Variants in SYTL3 observed in about 807,000 individuals in gnomAD.
SYTL3 encodes synaptotagmin-like protein 3.
Under a neutral mutation model 82.1 loss-of-function variants are expected in SYTL3, and 88 were observed. The observed-to-expected ratio is 1.07, with a 90% CI of 0.90 to 1.28. SYTL3 has a LOEUF of 1.28. SYTL3 is among the 50% of genes most tolerant of loss of function. The probability of loss-of-function intolerance (pLI) is 0.00; values close to 1 mark genes in which losing one functional copy is unlikely to be tolerated. For missense variants in SYTL3, 831 were observed against 757.6 expected (o/e 1.10, Z -1.14); for synonymous variants, 311 against 289.4 (o/e 1.07, Z -0.76).
At position 158,714,107 on chromosome 6, in the gene SYTL3, C is replaced by G. The variant is rs560763391; in HGVS notation, c.595+229C>G. Among the ~76,000 whole-genome samples the G allele has an allele frequency of 2.2e-3, 334 of 152,348 alleles. 1 individual carries two copies. Among genetic ancestry groups the G allele is most frequent in the African/African-American group, 7.1e-3 (296 of 41,576 alleles). ...GTGGCTCAGACCTGTAATCCAAGCA[C>G]TTTGGGAGGCCAAGGTGGGTGGATC... On this transcript the variant is annotated intron_variant, in intron 9 of 17. Transcript: ENST00000611299.
intron 12 of SYTL3, among the ~76,000 whole-genome samples, chr6:158,750,952 T>C (rs1375211195): frequency 6.6e-6 from 1 of 152,120 alleles, no homozygotes; most frequent in Non-Finnish European, 1.5e-5. Flanking sequence ...CATGCCATCA[T>C]GCCTGGCTAA....
At chr6:158,716,259 A>G (rs1467534165) in intron 9 of SYTL3, among the ~76,000 whole-genome samples, 1 of 152,194 alleles carries the variant, frequency 6.6e-6, no homozygotes, top group Non-Finnish European at 1.5e-5. Flanking sequence ...TTGTCCCCTA[A>G]TAATACTGAC....
chr6:158,645,083 TCAAACCCGCTCGGAC>T (rs1302451000), upstream of SYTL3, among the ~76,000 whole-genome samples: 11 of 152,128 alleles, frequency 7.2e-5, no homozygotes, highest in Non-Finnish European at 1.2e-4. Context: ...ACGCGGACGT[TCAAACCCGCTCGGAC>T]ACCTGGCAAC....
At chr6:158,677,478 C>T (rs1778179529) in intron 5 of SYTL3, among the ~76,000 whole-genome samples, 1 of 151,964 alleles carries the variant, frequency 6.6e-6, no homozygotes, top group South Asian at 2.1e-4. Flanking sequence ...TGCAGCACAA[C>T]ATCATGGCAC....
intron 11 of SYTL3, among the ~76,000 whole-genome samples, 189 bp from the exon 12 acceptor site, chr6:158,745,291 T>C (rs1161198035): frequency 6.6e-6 from 1 of 151,158 alleles, no homozygotes; most frequent in Non-Finnish European, 1.5e-5. Context: ...CTTCTGAGGA[T>C]TCTCTGTCTC....
chr6:158,678,942 G>GAATGATTAAAT (rs1778355608), intron 5 of SYTL3, among the ~76,000 whole-genome samples: 1 of 152,140 alleles, frequency 6.6e-6, no homozygotes. Context: ...TAATCACCTG[G>GAATGATTAAAT]GAAGAAGTGC....
chr6:158,656,652 G>A (rs1271790507), intron 2 of SYTL3, among the ~76,000 whole-genome samples: 2 of 152,050 alleles, frequency 1.3e-5, no homozygotes, highest in Admixed American at 1.3e-4. Flanking sequence ...GTAAACCCGG[G>A]AGGTGGAGCT....
upstream of SYTL3, among the ~76,000 whole-genome samples, chr6:158,648,610 T>A (rs113838007): frequency 0.027 from 3,435 of 128,462 alleles, 81 homozygotes; most frequent in African/African-American, 0.066. Flanking sequence ...AAAAAAAAAA[T>A]AATAATAATA....
intron 10 of SYTL3, among the ~76,000 whole-genome samples, chr6:158,724,144 C>A (rs556225649): frequency 6.6e-6 from 1 of 152,226 alleles, no homozygotes; most frequent in Admixed American, 6.5e-5. Context: ...GTGTCTCTGT[C>A]TTCCTACTAG....
chr6:158,665,349 C>A, intron 4 of SYTL3, 46 bp from the exon 5 acceptor site: 1 of 1,531,474 alleles, frequency 6.5e-7, no homozygotes, highest in South Asian at 1.2e-5. Context: ...AGCCTGGGGT[C>A]AGGTGTTCCA....
upstream of SYTL3, among the ~76,000 whole-genome samples, chr6:158,648,515 C>T (rs1376794002): frequency 1.3e-5 from 2 of 149,722 alleles, no homozygotes; most frequent in African/African-American, 2.5e-5. Flanking sequence ...AGCGTGAACC[C>T]GGGAGGCGGA....
At chr6:158,734,094 CAAAAAAAAAA>C (rs560547617) in intron 11 of SYTL3, among the ~76,000 whole-genome samples, 8 of 74,528 alleles carry the variant, frequency 1.1e-4, no homozygotes, top group African/African-American at 3.9e-4. Context: ...GACCCTGTCT[CAAAAAAAAAA>C]AAAAAAAAAA....
At chr6:158,756,572 C>T (rs1021902160) in intron 13 of SYTL3, among the ~76,000 whole-genome samples, 19 of 151,802 alleles carry the variant, frequency 1.3e-4, no homozygotes, top group African/African-American at 3.9e-4. Context: ...ACAAGCCGGG[C>T]GTGGTGTTGG....
At chr6:158,661,990 C>T (rs979279988) in intron 3 of SYTL3, among the ~76,000 whole-genome samples, 1 of 152,152 alleles carries the variant, frequency 6.6e-6, no homozygotes, top group Non-Finnish European at 1.5e-5. Flanking sequence ...CGTTTAAATA[C>T]GTAGGCTTCA....
rs936978267 is a variant in SYTL3, at chr6:158,663,036, G to A, written c.-233G>A. 22 of 417,712 alleles carry A rather than the reference G, an allele frequency of 5.3e-5. No homozygotes were observed. The highest frequency in any genetic ancestry group is 2.1e-4 in the South Asian group (5 of 23,828). 25.9% of individuals were successfully genotyped at this position (417,712 alleles called of 1,614,324 possible). Reference sequence around the variant, plus strand: ...CCCCCCGGGTAGCACGAGGCTCTGCGAGCCGTAACTCCGACAAACGCAGAA... The same window carrying A: ...CCCCCCGGGTAGCACGAGGCTCTGCAAGCCGTAACTCCGACAAACGCAGAA... On this transcript the variant is annotated 5_prime_UTR_variant, in exon 4 of 18. Transcript: ENST00000611299.
intron 8 of SYTL3, among the ~76,000 whole-genome samples, chr6:158,711,885 A>G (rs1055503374): frequency 2.0e-5 from 3 of 152,044 alleles, no homozygotes; most frequent in Non-Finnish European, 4.4e-5. Context: ...GTTTTGGTGG[A>G]TTTTAGCTGT....
Position 158,717,205 on chromosome 6 carries a change from C to T in SYTL3, c.596-882C>T, listed in dbSNP as rs550049518. On this transcript the variant is annotated intron_variant, in intron 9 of 17. Transcript: ENST00000611299. The stretch of plus-strand genomic sequence containing the variant: ...ATGAGAATCACTTGAACCCAGGAGG[C>T]GGAGGTTGCAGTGAGCCAAGATCAC... 2.3e-4 allele frequency among the ~76,000 whole-genome samples: 35 copies of T among 152,018 alleles called. 1 individual carries two copies. The East Asian group carries it at 6.1e-3, about 26-fold the overall frequency.
chr6:158,675,030 C>T (rs1454376035), intron 5 of SYTL3, among the ~76,000 whole-genome samples: 1 of 152,110 alleles, frequency 6.6e-6, no homozygotes, highest in African/African-American at 2.4e-5. Context: ...AACTGGATCC[C>T]TTCCTTACAC....
chr6:158,734,018 C>T (rs1200168847), intron 11 of SYTL3, among the ~76,000 whole-genome samples: 1 of 143,820 alleles, frequency 7.0e-6, no homozygotes, highest in Non-Finnish European at 1.5e-5. Context: ...TGGCGTGAAC[C>T]TGGGAGGTGG....
Sources: allele counts gnomAD v4.1 joint callset (sites outside exome capture counted in the v4.1 genomes callset), GRCh38; gene constraint gnomAD v4.1.1; transcripts MANE v1.5; gene names NCBI Gene and HGNC (gene_info 2026-07-23, HGNC 2026-07-21).